AHCY: variants seen among roughly 807,000 people sequenced by gnomAD.
AHCY encodes S-adenosyl-L-homocysteine hydrolase.
A neutral mutation model predicts 45.4 loss-of-function variants in AHCY; 24 were observed. The ratio of observed to expected loss-of-function variants is 0.53; its 90% CI spans 0.38 to 0.74. AHCY has a LOEUF of 0.74. Among genes scored for constraint, AHCY ranks in the 30% least tolerant of loss-of-function variants. AHCY has a pLI of 0.00. For missense variants in AHCY, 449 were observed against 594.1 expected (o/e 0.76, Z 2.54); for synonymous variants, 245 against 235.1 (o/e 1.04, Z -0.39).
At chr20:34,251,740 C>T in the AHCY span, among the ~76,000 whole-genome samples, 1 of 152,132 alleles carries the variant, frequency 6.6e-6, no homozygotes, top group Non-Finnish European at 1.5e-5. Context: ...TTGGAGGTGA[C>T]TAGGTCATGG....
chr20:34,307,846 C>T (rs2036911532), upstream of AHCY, among the ~76,000 whole-genome samples: 1 of 152,048 alleles, frequency 6.6e-6, no homozygotes, highest in South Asian at 2.1e-4. Context: ...CAGTTTGGTA[C>T]ATAGGTAAAC....
chr20:34,272,046 CA>C, the AHCY span, among the ~76,000 whole-genome samples: 73 of 145,834 alleles, frequency 5.0e-4, 1 homozygote, highest in African/African-American at 1.0e-3. Context: ...AACGTGCCTC[CA>C]AAAAAAAAAA....
At chr20:34,239,399 T>C in the AHCY span, among the ~76,000 whole-genome samples, 1 of 152,190 alleles carries the variant, frequency 6.6e-6, no homozygotes, top group African/African-American at 2.4e-5. Context: ...GTATTTTTAG[T>C]AGAGACGGGG....
upstream of AHCY, chr20:34,303,451 G>C (rs534030725): frequency 1.2e-5 from 10 of 867,862 alleles, no homozygotes; most frequent in African/African-American, 1.7e-5. Flanking sequence ...CGGAGCCGGA[G>C]GGGATTTCGA....
chr20:34,245,598 C>T, the AHCY span, among the ~76,000 whole-genome samples: 10 of 151,592 alleles, frequency 6.6e-5, no homozygotes, highest in Non-Finnish European at 1.3e-4. Flanking sequence ...ACCATATTGG[C>T]CAGGCTGGTC....
chr20:34,259,522 A>G, the AHCY span, among the ~76,000 whole-genome samples: 1 of 152,090 alleles, frequency 6.6e-6, no homozygotes, highest in African/African-American at 2.4e-5. Flanking sequence ...CAAAAAAAAT[A>G]AAAAGAGTTA....
chr20:34,304,525 ATT>A (rs564670743), upstream of AHCY, among the ~76,000 whole-genome samples: 3 of 142,156 alleles, frequency 2.1e-5, no homozygotes, highest in African/African-American at 2.6e-5. Flanking sequence ...TTTCCCCTGA[ATT>A]TTTTTTTTTT....
At chr20:34,310,581 A>T (rs1415945449) in intron 1 of AHCY, among the ~76,000 whole-genome samples, 1 of 152,214 alleles carries the variant, frequency 6.6e-6, no homozygotes, top group Non-Finnish European at 1.5e-5. Context: ...TATTCCAAAG[A>T]TGTTTGTACA....
intron 9 of AHCY, among the ~76,000 whole-genome samples, chr20:34,283,148 G>T (rs2036058052): frequency 6.6e-6 from 1 of 152,032 alleles, no homozygotes; most frequent in Admixed American, 6.6e-5. Context: ...AGTACACATT[G>T]AAATCAACCT....
chr20:34,269,318 A>C, the AHCY span: 1 of 1,001,586 alleles, frequency 1.0e-6, no homozygotes, highest in South Asian at 1.8e-5. Flanking sequence ...TTGGGCTAAA[A>C]TCGAAATACA....
chr20:34,283,210 C>A (rs989231791), intron 9 of AHCY, among the ~76,000 whole-genome samples: 5 of 152,082 alleles, frequency 3.3e-5, no homozygotes, highest in Non-Finnish European at 5.9e-5. Context: ...GCACCCTGAA[C>A]CAGAAGGTGT....
At chr20:34,301,233 G>A (rs1374964847) in intron 1 of AHCY, among the ~76,000 whole-genome samples, 1 of 152,146 alleles carries the variant, frequency 6.6e-6, no homozygotes, top group Admixed American at 6.5e-5. Context: ...CCCCTCCTGG[G>A]AGGGGCCCGG....
chr20:34,269,203 C>T, the AHCY span: 2 of 1,448,494 alleles, frequency 1.4e-6, no homozygotes, highest in Non-Finnish European at 1.8e-6. Flanking sequence ...GGCAGGGCTT[C>T]GGGGACGCGG....
At chr20:34,250,895 G>A in the AHCY span, among the ~76,000 whole-genome samples, 1 of 152,058 alleles carries the variant, frequency 6.6e-6, no homozygotes, top group Non-Finnish European at 1.5e-5. Flanking sequence ...CAGTGCTGTC[G>A]CTAAGGGGAT....
chr20:34,247,787 A>C, the AHCY span, among the ~76,000 whole-genome samples: 1 of 151,900 alleles, frequency 6.6e-6, no homozygotes, highest in Non-Finnish European at 1.5e-5. Context: ...TGTGGAGATG[A>C]GGTCTTGCCG....
At chr20:34,279,423 A>G (rs75775063), downstream of AHCY, among the ~76,000 whole-genome samples, 7 of 149,258 alleles carry the variant, frequency 4.7e-5, no homozygotes, top group Admixed American at 2.7e-4. Flanking sequence ...ACTGTCTAGA[A>G]AAAAAAAAAA....
At chr20:34,309,470 C>T (rs1051452726) in intron 1 of AHCY, among the ~76,000 whole-genome samples, 2 of 151,996 alleles carry the variant, frequency 1.3e-5, no homozygotes, top group Admixed American at 6.6e-5. Context: ...AAGGCCAGCC[C>T]GAGCAATATA....
At chr20:34,242,335 C>T in the AHCY span, among the ~76,000 whole-genome samples, 2 of 152,174 alleles carry the variant, frequency 1.3e-5, no homozygotes, top group African/African-American at 4.8e-5. Context: ...TGAGTTCAAA[C>T]GATTCTCCCA....
the AHCY span, among the ~76,000 whole-genome samples, chr20:34,235,885 GGAAGGAAGGAAGGAAA>G: frequency 9.8e-5 from 10 of 101,854 alleles, no homozygotes; most frequent in African/African-American, 4.6e-4. Flanking sequence ...AAGGAAGGAA[GGAAGGAAGGAAGGAAA>G]GGAAGGAAGG....
Sources: allele counts gnomAD v4.1 joint callset (sites outside exome capture counted in the v4.1 genomes callset), GRCh38; gene constraint gnomAD v4.1.1; transcripts MANE v1.5; gene names NCBI Gene and HGNC (gene_info 2026-07-23, HGNC 2026-07-21).